Variants in DOCK1 observed in about 807,000 individuals in gnomAD.
DOCK1 encodes dedicator of cytokinesis 1.
A neutral mutation model predicts 262.7 loss-of-function variants in DOCK1; 138 were observed. That is an observed-to-expected ratio of 0.53 (90% confidence interval 0.46 to 0.61). The LOEUF is 0.61. Ranked by LOEUF, DOCK1 falls within the 20% of genes least tolerant of loss-of-function variation. The pLI, the probability that DOCK1 is intolerant of heterozygous loss-of-function variation, is 0.00. For missense variants in DOCK1, 1,908 were observed against 2,370.7 expected (o/e 0.80, Z 4.05); for synonymous variants, 866 against 867.4 (o/e 1.00, Z 0.03).
chr10:127,180,169 C>T (rs2055592535), intron 27 of DOCK1, among the ~76,000 whole-genome samples: 1 of 152,208 alleles, frequency 6.6e-6, no homozygotes, highest in African/African-American at 2.4e-5. Flanking sequence ...GAGCAATGCC[C>T]TTGTCTTGTT....
intron 33 of DOCK1, among the ~76,000 whole-genome samples, chr10:127,364,207 G>A (rs2064763777): frequency 6.6e-6 from 1 of 152,154 alleles, no homozygotes; most frequent in African/African-American, 2.4e-5. Context: ...AAGCCGGGGA[G>A]GAGCACACAG....
rs557952500 is a variant in DOCK1, at chr10:127,426,105, A to G, written c.4914+94A>G. The G allele has an allele frequency of 2.9e-5, 45 of 1,573,090 alleles. No homozygotes were observed. In the East Asian group the frequency reaches 6.5e-4, roughly 23 times the overall value. ...AAGCTTCCAGAGCAGAGGAACTCACATGTACACATGGTGCCCGCTTAGGAA... is the reference window on the plus strand; with the variant it reads ...AAGCTTCCAGAGCAGAGGAACTCACGTGTACACATGGTGCCCGCTTAGGAA... On this transcript the variant is annotated intron_variant, in intron 47 of 51. Transcript: ENST00000623213.
chr10:127,397,194 T>A (rs371708109), intron 38 of DOCK1, among the ~76,000 whole-genome samples: 49 of 118,842 alleles, frequency 4.1e-4, no homozygotes, highest in South Asian at 6.2e-4. Context: ...ACGGGCAGCG[T>A]CTCCTGTGAT....
intron 13 of DOCK1, among the ~76,000 whole-genome samples, chr10:127,020,804 G>A (rs1344858427): frequency 6.6e-6 from 1 of 152,054 alleles, no homozygotes; most frequent in East Asian, 1.9e-4. Flanking sequence ...AGTCTGTCTC[G>A]CTGTCTTTAG....
chr10:127,293,868 G>A (rs1015502608), intron 29 of DOCK1, among the ~76,000 whole-genome samples: 2 of 152,222 alleles, frequency 1.3e-5, no homozygotes, highest in African/African-American at 4.8e-5. Context: ...GAACAGACAG[G>A]ATGTGGCCTC....
At chr10:127,173,214 TAGA>T (rs2054746281) in intron 27 of DOCK1, among the ~76,000 whole-genome samples, 1 of 151,284 alleles carries the variant, frequency 6.6e-6, no homozygotes, top group Non-Finnish European at 1.5e-5. Flanking sequence ...CTGAACACAT[TAGA>T]AGGTCACCCC....
chr10:126,944,022 G>T (rs1311408959), intron 1 of DOCK1, among the ~76,000 whole-genome samples: 1 of 151,654 alleles, frequency 6.6e-6, no homozygotes, highest in Non-Finnish European at 1.5e-5. Flanking sequence ...GTTGCAGGAA[G>T]AGTTCATGGG....
At chr10:127,041,440 G>T (rs1332250175) in intron 19 of DOCK1, among the ~76,000 whole-genome samples, 1 of 152,208 alleles carries the variant, frequency 6.6e-6, no homozygotes, top group African/African-American at 2.4e-5. Flanking sequence ...CCATCACATG[G>T]ATAGACCGCA....
At chr10:127,049,326 G>C (rs1178925034) in intron 21 of DOCK1, among the ~76,000 whole-genome samples, 1 of 152,098 alleles carries the variant, frequency 6.6e-6, no homozygotes, top group East Asian at 1.9e-4. Flanking sequence ...TTTGAGACCA[G>C]CCTGACCAAC....
At position 127,357,586 on chromosome 10, in the gene DOCK1, T is replaced by C. The variant is rs112374436; in HGVS notation, c.3283+2859T>C. On this transcript the variant is annotated intron_variant, in intron 32 of 51. Transcript: ENST00000623213. ...AAGCTCCCCCCTTCCCTCCTATCAG[T>C]GGCTGATTTGAATATGGTGATTAAT... 1.0e-2 allele frequency among the ~76,000 whole-genome samples: 1,517 copies of C among 152,300 alleles called. 8 individuals carry two copies. The highest frequency in any genetic ancestry group is 0.017 in the South Asian group (81 of 4,820).
Position 127,446,482 on chromosome 10 carries a change from A to G in DOCK1, c.5414-912A>G, listed in dbSNP as rs2070567289. ...AATTTTATGTCGTGTATATCTTACC[A>G]CAATAATAGCAAAGAAGTAGGCAGC... On this transcript the variant is annotated intron_variant, in intron 50 of 51. Coordinates refer to ENST00000623213, the MANE Select transcript of DOCK1 (RefSeq NM_001290223.2). The surrounding 1 kb of genome is among the most constrained non-coding windows in gnomAD (Gnocchi z 4.4). Among the ~76,000 whole-genome samples the G allele has an allele frequency of 6.6e-6, 1 of 152,188 alleles. No individual in the cohort carries two copies.
intron 51 of DOCK1, among the ~76,000 whole-genome samples, chr10:127,449,559 T>C (rs1396241784): frequency 2.0e-5 from 3 of 152,236 alleles, no homozygotes; most frequent in African/African-American, 7.2e-5. Context: ...ATTAGATTAA[T>C]GACCCAGGTG....
intron 1 of DOCK1, among the ~76,000 whole-genome samples, chr10:126,945,286 T>G (rs2035306859): frequency 1.3e-5 from 2 of 151,970 alleles, no homozygotes; most frequent in Non-Finnish European, 2.9e-5. Context: ...CATGGTGGTG[T>G]TGGCAGGATT....
chr10:127,078,960 A>G (rs140637948), intron 23 of DOCK1, among the ~76,000 whole-genome samples: 65 of 152,218 alleles, frequency 4.3e-4, no homozygotes, highest in African/African-American at 1.5e-3. Context: ...CTGACCACCT[A>G]TGTCTTTTAT....
intron 27 of DOCK1, among the ~76,000 whole-genome samples, chr10:127,202,309 C>T (rs1021382495): frequency 3.3e-5 from 5 of 149,742 alleles, no homozygotes; most frequent in Non-Finnish European, 5.9e-5. Flanking sequence ...GGTGACAGAG[C>T]GAGACTCTGT....
intron 29 of DOCK1, among the ~76,000 whole-genome samples, chr10:127,311,692 C>T (rs2062067584): frequency 6.6e-6 from 1 of 152,074 alleles, no homozygotes; most frequent in Admixed American, 6.6e-5. Context: ...ACTGTTGTCC[C>T]TGTCTCTGCA....
At chr10:127,009,011 G>A (rs1221433615) in intron 11 of DOCK1, among the ~76,000 whole-genome samples, 2 of 152,198 alleles carry the variant, frequency 1.3e-5, no homozygotes, top group Admixed American at 1.3e-4. Context: ...GGTCCTGGAA[G>A]TAGGAGATTT....
At chr10:127,296,494 C>T (rs963796347) in intron 29 of DOCK1, among the ~76,000 whole-genome samples, 7 of 152,208 alleles carry the variant, frequency 4.6e-5, no homozygotes, top group Non-Finnish European at 8.8e-5. Flanking sequence ...GCTGCCATAG[C>T]AAGCCAACAA....
chr10:126,994,459 AC>A (rs1483597610), intron 6 of DOCK1, among the ~76,000 whole-genome samples: 1 of 152,076 alleles, frequency 6.6e-6, no homozygotes, highest in Non-Finnish European at 1.5e-5. Flanking sequence ...TAGGCAGAGG[AC>A]CCTGCGGCCT....
Sources: gnomAD v4.1 joint callset for allele counts (sites outside exome capture counted in the v4.1 genomes callset) on GRCh38, gnomAD v4.1.1 for gene constraint, Gnocchi (gnomAD v3.1) non-coding constraint, MANE v1.5 for transcripts, NCBI Gene and HGNC (gene_info 2026-07-23, HGNC 2026-07-21) for gene names.